Variants in SCN7A observed in about 807,000 individuals in gnomAD.
The protein encoded by SCN7A is sodium channel protein type 7 subunit alpha.
SCN7A carries 138 observed loss-of-function variants against 155.2 expected under a neutral mutation model. The ratio of observed to expected loss-of-function variants is 0.89; its 90% CI spans 0.77 to 1.02. The LOEUF is 1.02. SCN7A is among the 50% of genes least tolerant of loss of function. SCN7A has a pLI of 0.00. For missense variants in SCN7A, 2,058 were observed against 1,986.6 expected, an observed-to-expected ratio of 1.04 and a Z score of -0.68; for synonymous variants, 693 against 649.0, an observed-to-expected ratio of 1.07 and a Z score of -1.03.
intron 17 of SCN7A, 26 bp from the exon 18 acceptor site, chr2:166,427,968 A>C: frequency 6.2e-7 from 1 of 1,606,876 alleles, no homozygotes; most frequent in Non-Finnish European, 8.5e-7. Context: ...TGGTAAGAAC[A>C]ACAATCTAGA....
chr2:166,486,092 T>C (rs968428584), intron 2 of SCN7A, among the ~76,000 whole-genome samples: 2 of 152,148 alleles, frequency 1.3e-5, no homozygotes. Flanking sequence ...AGACCTGATC[T>C]CTCAACCTCT....
chr2:166,427,780 C>T lies in SCN7A; in HGVS notation c.2853+8G>A. 2 of 1,601,846 alleles carry T rather than the reference C, an allele frequency of 1.2e-6. No homozygotes were observed. The highest frequency in any genetic ancestry group is 1.7e-6 in the Non-Finnish European group (2 of 1,172,358). On this transcript the variant is annotated splice_region_variant and intron_variant, in intron 18 of 25. Transcript: ENST00000643258. ...GCAAAGTATCAAACACCCTGGCTGC[C>T]CACTTACCAGAGTGCCAGTGCTGAG...
At chr2:166,429,358 T>A in intron 16 of SCN7A, 84 bp from the exon 17 acceptor site, 1 of 828,734 alleles carries the variant, frequency 1.2e-6, no homozygotes, top group Non-Finnish European at 1.9e-6. Flanking sequence ...TTTTCAGAAG[T>A]AAGAAAAATT....
chr2:166,492,968 G>A (rs1350219268), intron 1 of SCN7A, among the ~76,000 whole-genome samples: 1 of 152,080 alleles, frequency 6.6e-6, no homozygotes, highest in South Asian at 2.1e-4. Context: ...TTGTTCATTG[G>A]ACTTCCCGCT....
chr2:166,415,035 T>C (rs1407999766), intron 21 of SCN7A, among the ~76,000 whole-genome samples: 1 of 139,558 alleles, frequency 7.2e-6, no homozygotes, highest in East Asian at 2.0e-4. Flanking sequence ...ATAATAATAA[T>C]ATATAATAGG....
chr2:166,462,669 T>A, intron 9 of SCN7A, 139 bp from the exon 10 acceptor site: 1 of 685,568 alleles, frequency 1.5e-6, no homozygotes, highest in Non-Finnish European at 2.3e-6. Context: ...TCCCAAACAA[T>A]TGCTTGCTAA....
intron 18 of SCN7A, among the ~76,000 whole-genome samples, chr2:166,423,854 T>C (rs1227988278): frequency 6.6e-6 from 1 of 152,142 alleles, no homozygotes; most frequent in Non-Finnish European, 1.5e-5. Flanking sequence ...GATATGTTTT[T>C]AAAATGTCTT....
At chr2:166,430,054 G>T (rs1029340568) in intron 16 of SCN7A, among the ~76,000 whole-genome samples, 3 of 151,752 alleles carry the variant, frequency 2.0e-5, no homozygotes, top group African/African-American at 7.3e-5. Flanking sequence ...AAGATCTAAG[G>T]TTAATAGCAT....
intron 14 of SCN7A, 60 bp from the exon 15 acceptor site, chr2:166,441,812 A>T: frequency 7.7e-7 from 1 of 1,303,040 alleles, no homozygotes; most frequent in East Asian, 2.3e-5. Flanking sequence ...TGGTCAGTGT[A>T]TATTACAAGG....
At chr2:166,456,817 T>G (rs917714019) in intron 11 of SCN7A, 53 bp downstream of exon 11, 9 of 534,082 alleles carry the variant, frequency 1.7e-5, no homozygotes, top group African/African-American at 2.7e-5. Context: ...TATATATATA[T>G]ATATATATAT....
intron 2 of SCN7A, among the ~76,000 whole-genome samples, chr2:166,480,899 T>C (rs921466405): frequency 1.3e-5 from 2 of 152,166 alleles, no homozygotes; most frequent in Non-Finnish European, 2.9e-5. Flanking sequence ...CTTGACTATT[T>C]AATAAGGAAA....
intron 13 of SCN7A, among the ~76,000 whole-genome samples, chr2:166,444,516 G>A (rs965535277): frequency 6.6e-6 from 1 of 152,178 alleles, no homozygotes; most frequent in African/African-American, 2.4e-5. Flanking sequence ...CCAAGCATCT[G>A]GCTAGGAATC....
At chr2:166,492,090 T>C (rs895147636) in intron 1 of SCN7A, among the ~76,000 whole-genome samples, 1 of 152,032 alleles carries the variant, frequency 6.6e-6, no homozygotes, top group Admixed American at 6.5e-5. Flanking sequence ...TGAGAGTGTA[T>C]ATCCGCTACC....
intron 21 of SCN7A, chr2:166,414,812 GATATATAATATATAATAGGAT>G (rs1701325767): frequency 8.0e-6 from 1 of 124,888 alleles, no homozygotes; most frequent in Non-Finnish European, 1.6e-5. Context: ...TATATAGTAG[GATATATAATATATAATAGGAT>G]ATATATAATA....
At chr2:166,475,100 A>AGATG (rs1457677325) in intron 3 of SCN7A, among the ~76,000 whole-genome samples, 1 of 108,686 alleles carries the variant, frequency 9.2e-6, no homozygotes, top group African/African-American at 4.2e-5. Context: ...ATACACATAT[A>AGATG]TATGTATATA....
chr2:166,411,502 A>G (rs1356781167), intron 23 of SCN7A, among the ~76,000 whole-genome samples: 7 of 152,008 alleles, frequency 4.6e-5, no homozygotes, highest in Non-Finnish European at 1.5e-5. Context: ...CTTTAAGAGA[A>G]AAGGTGAAAG....
chr2:166,462,827 T>C (rs1413508126), intron 9 of SCN7A, among the ~76,000 whole-genome samples: 3 of 152,230 alleles, frequency 2.0e-5, no homozygotes, highest in East Asian at 3.8e-4. Context: ...CTGTACATAT[T>C]TGTGAAGTAC....
At chr2:166,467,378 A>G (rs938476698) in intron 7 of SCN7A, among the ~76,000 whole-genome samples, 1 of 151,696 alleles carries the variant, frequency 6.6e-6, no homozygotes, top group Non-Finnish European at 1.5e-5. Flanking sequence ...GTATATCTTT[A>G]TACTGAATTT....
intron 21 of SCN7A, among the ~76,000 whole-genome samples, chr2:166,414,189 T>C (rs1207924874): frequency 1.2e-5 from 1 of 84,622 alleles, no homozygotes; most frequent in Non-Finnish European, 2.2e-5. Flanking sequence ...ATATATATAA[T>C]ATATAATATA....
Sources: allele counts gnomAD v4.1 joint callset (sites outside exome capture counted in the v4.1 genomes callset), GRCh38; gene constraint gnomAD v4.1.1; transcripts MANE v1.5; gene names NCBI Gene and HGNC (gene_info 2026-07-23, HGNC 2026-07-21).